Variants in DMXL1 observed in about 807,000 individuals in gnomAD.
DMXL1 encodes dmX-like protein 1.
In DMXL1, 99 loss-of-function variants were observed where a neutral mutation model predicts 319.2. That is an observed-to-expected ratio of 0.31 (90% CI 0.26 to 0.37). The LOEUF (loss-of-function observed/expected upper bound fraction) is 0.37. Ranked by LOEUF, DMXL1 falls within the 10% of genes least tolerant of loss-of-function variation. DMXL1 has a pLI of 1.00. For missense variants in DMXL1, 3,745 were observed against 3,595.6 expected (o/e 1.04, Z -1.06); for synonymous variants, 1,385 against 1,235.2 (o/e 1.12, Z -2.54).
intron 19 of DMXL1, among the ~76,000 whole-genome samples, chr5:119,154,336 G>A (rs1419902501): frequency 6.6e-6 from 1 of 152,210 alleles, no homozygotes; most frequent in Non-Finnish European, 1.5e-5. Flanking sequence ...TTACCAAATT[G>A]TAAATGCAAA....
At chr5:119,214,380 G>A (rs142911996) in intron 34 of DMXL1, among the ~76,000 whole-genome samples, 3 of 152,142 alleles carry the variant, frequency 2.0e-5, no homozygotes, top group Non-Finnish European at 2.9e-5. Context: ...TACTGTAGTC[G>A]CCTTTTAACT....
At chr5:119,138,087 A>G (rs1766431493) in intron 13 of DMXL1, among the ~76,000 whole-genome samples, 2 of 152,224 alleles carry the variant, frequency 1.3e-5, no homozygotes, top group African/African-American at 4.8e-5. Flanking sequence ...GCGGAAGTAG[A>G]TCCAGAGAGA....
Position 119,171,266 on chromosome 5 carries a change from C to T in DMXL1, c.6475C>T (p.Gln2159Ter). 3 of 1,595,756 alleles carry T rather than the reference C, an allele frequency of 1.9e-6. No homozygotes were observed. Among genetic ancestry groups the T allele is most frequent in the Non-Finnish European group, 1.7e-6 (2 of 1,169,420 alleles). The change falls in exon 24 of 44, where the codon CAA becomes TAA. Residue 2159 changes from glutamine (Q) to a stop codon, truncating the protein, a stop_gained. Transcript: ENST00000539542. LOFTEE classifies it high-confidence loss of function. ...SVRMELILLL[Q>*]ESQQETSEPL... Reference sequence around the variant, plus strand: ...AAGAATGGAATTGATTTTGCTTTTGCAAGAATCTCAGCAGGTATGTAATTT... The same window carrying T: ...AAGAATGGAATTGATTTTGCTTTTGTAAGAATCTCAGCAGGTATGTAATTT...
intron 19 of DMXL1, among the ~76,000 whole-genome samples, chr5:119,161,690 C>T (rs192461183): frequency 6.6e-6 from 1 of 152,254 alleles, no homozygotes; most frequent in East Asian, 1.9e-4. Flanking sequence ...AGGTCTAGCC[C>T]CTGAGCTTTG....
At chr5:119,177,857 A>G (rs1320577677) in intron 27 of DMXL1, 139 bp from the exon 28 acceptor site, 3 of 691,680 alleles carry the variant, frequency 4.3e-6, no homozygotes, top group Non-Finnish European at 2.2e-6. Flanking sequence ...AACCGCTACT[A>G]GTCTGTGAAT....
intron 30 of DMXL1, among the ~76,000 whole-genome samples, chr5:119,195,067 A>C (rs546981457): frequency 6.6e-5 from 10 of 152,074 alleles, no homozygotes; most frequent in East Asian, 1.9e-4. Flanking sequence ...GCTACCAAAA[A>C]AAAAACAAAA....
chr5:119,162,735 C>G (rs1017818868), intron 19 of DMXL1, among the ~76,000 whole-genome samples: 5 of 152,154 alleles, frequency 3.3e-5, no homozygotes, highest in African/African-American at 1.2e-4. Context: ...ATGTCTAAAT[C>G]AGATTCTTTA....
intron 13 of DMXL1, among the ~76,000 whole-genome samples, chr5:119,142,637 A>G (rs1358075643): frequency 6.6e-6 from 1 of 152,076 alleles, no homozygotes; most frequent in African/African-American, 2.4e-5. Flanking sequence ...GTGATTCCTC[A>G]AAGAGCTAAA....
intron 34 of DMXL1, among the ~76,000 whole-genome samples, chr5:119,209,137 C>T (rs1007162971): frequency 3.9e-5 from 6 of 152,082 alleles, no homozygotes; most frequent in East Asian, 1.9e-4. Flanking sequence ...TATTTTGGAC[C>T]TATTCCAAAT....
chr5:119,146,718 G>A (rs1768626537), intron 15 of DMXL1, 119 bp from the exon 16 acceptor site: 3 of 903,292 alleles, frequency 3.3e-6, no homozygotes, highest in African/African-American at 3.4e-5. Flanking sequence ...TGTGTTTGAA[G>A]CCTTAGGTAA....
Position 119,129,297 on chromosome 5 carries a change from A to G in DMXL1, c.1189A>G (p.Asn397Asp). 6.2e-7 allele frequency: 1 copy of G among 1,613,834 alleles called. No individual in the cohort carries two copies. The highest frequency in any genetic ancestry group is 8.5e-7 in the Non-Finnish European group (1 of 1,179,862). ...TGPFVVHWLN[N>D]KELHFTLSME... ...ACCTTTTGTTGTACACTGGCTAAAC[A>G]ATAAAGAACTGCATTTTACTTTGTC... Residue 397 changes from asparagine (N) to aspartate (D), a missense_variant, in exon 10 of 44, where the codon AAT becomes GAT. Asn to Asp is a conservative substitution (Grantham distance 23). Around this residue, in one of 4 missense-constraint regions of DMXL1, gnomAD observed 2,096 missense variants for 1,985.4 expected, o/e 1.06. Transcript: ENST00000539542.
chr5:119,112,786 G>A (rs1329815795), intron 5 of DMXL1, among the ~76,000 whole-genome samples: 2 of 152,040 alleles, frequency 1.3e-5, no homozygotes, highest in Admixed American at 6.6e-5. Flanking sequence ...GCGAAACCCC[G>A]TCTCTACTAA....
chr5:119,172,182 A>G (rs1472526264), intron 25 of DMXL1, among the ~76,000 whole-genome samples: 1 of 152,124 alleles, frequency 6.6e-6, no homozygotes, highest in East Asian at 1.9e-4. Context: ...GAGTTCTTGA[A>G]TTTTTTATCA....
chr5:119,131,402 A>G (rs1764865976), intron 10 of DMXL1, among the ~76,000 whole-genome samples: 1 of 152,190 alleles, frequency 6.6e-6, no homozygotes, highest in Admixed American at 6.5e-5. Context: ...AATTGGCACC[A>G]TAAATGCATT....
intron 9 of DMXL1, among the ~76,000 whole-genome samples, chr5:119,125,426 C>A (rs1296625119): frequency 3.3e-5 from 5 of 152,056 alleles, no homozygotes; most frequent in Non-Finnish European, 7.4e-5. Flanking sequence ...AAGAAAGGTG[C>A]TATATTCTAT....
intron 34 of DMXL1, among the ~76,000 whole-genome samples, chr5:119,216,122 A>AAT (rs1451937133): frequency 6.7e-6 from 1 of 148,484 alleles, no homozygotes; most frequent in Non-Finnish European, 1.5e-5. Context: ...AAAAAAAAAA[A>AAT]GCAGGATAAT....
At chr5:119,232,773 A>G (rs965755092) in intron 38 of DMXL1, among the ~76,000 whole-genome samples, 1 of 151,982 alleles carries the variant, frequency 6.6e-6, no homozygotes, top group African/African-American at 2.4e-5. Context: ...CAAGAGTTAA[A>G]GACCAGCCTT....
At chr5:119,144,965 A>G (rs1405793259) in intron 15 of DMXL1, among the ~76,000 whole-genome samples, 4 of 151,762 alleles carry the variant, frequency 2.6e-5, no homozygotes, top group Non-Finnish European at 4.4e-5. Flanking sequence ...TTGAAAATTT[A>G]TAATTTAAAG....
At chr5:119,176,531 GTTTT>G (rs1034704338) in intron 26 of DMXL1, among the ~76,000 whole-genome samples, 1 of 151,686 alleles carries the variant, frequency 6.6e-6, no homozygotes, top group African/African-American at 2.4e-5. Context: ...GAATGAGGGA[GTTTT>G]TTTTGTTGTT....
Sources: allele counts gnomAD v4.1 joint callset (sites outside exome capture counted in the v4.1 genomes callset), GRCh38; gene constraint gnomAD v4.1.1; regional missense constraint gnomAD v4.1.1; transcripts MANE v1.5; gene names NCBI Gene and HGNC (gene_info 2026-07-23, HGNC 2026-07-21).